ASCC3: variants seen among roughly 807,000 people sequenced by gnomAD.
The protein encoded by ASCC3 is ASC-1 complex subunit P200.
In ASCC3, 158 loss-of-function variants were observed where a neutral mutation model predicts 256.3. The ratio of observed to expected loss-of-function variants is 0.62; its 90% CI spans 0.54 to 0.70. The LOEUF (loss-of-function observed/expected upper bound fraction) is 0.70, where lower values mean the gene tolerates loss of function less well. Ranked by LOEUF, ASCC3 falls within the 30% of genes least tolerant of loss-of-function variation. The pLI, the probability that ASCC3 is intolerant of heterozygous loss-of-function variation, is 0.00. For synonymous variants in ASCC3, 948 were observed against 883.4 expected, an observed-to-expected ratio of 1.07 and a Z score of -1.30; for missense variants, 2,259 against 2,626.0, an observed-to-expected ratio of 0.86 and a Z score of 3.05.
At chr6:100,593,727 T>C (rs1029622178) in intron 34 of ASCC3, among the ~76,000 whole-genome samples, 1 of 152,106 alleles carries the variant, frequency 6.6e-6, no homozygotes, top group Non-Finnish European at 1.5e-5. Context: ...GTTCAGATTA[T>C]GCAGCAATAA....
chr6:100,769,629 A>G (rs536403156), intron 8 of ASCC3, among the ~76,000 whole-genome samples: 17 of 152,002 alleles, frequency 1.1e-4, no homozygotes, highest in African/African-American at 4.1e-4. Flanking sequence ...AAATAATTAT[A>G]AAGATCAATG....
chr6:100,603,221 C>T (rs2114799480), intron 33 of ASCC3, among the ~76,000 whole-genome samples: 1 of 151,804 alleles, frequency 6.6e-6, no homozygotes, highest in Non-Finnish European at 1.5e-5. Context: ...TAATAACGGT[C>T]ATATCAAGGT....
rs7773345 is a variant in ASCC3, at chr6:100,646,640, T to G, written c.3608A>C (p.Tyr1203Ser). The G allele has an allele frequency of 6.2e-7, 1 of 1,614,074 alleles. No homozygotes were observed. Among genetic ancestry groups the G allele is most frequent in the Admixed American group, 1.7e-5 (1 of 60,022 alleles). Residue 1203 changes from tyrosine (Y) to serine (S), a missense_variant, in exon 22 of 42, where the codon TAT becomes TCT. Coordinates refer to ENST00000369162, the MANE Select transcript of ASCC3 (RefSeq NM_006828.4). ...RTVLRVTLSIYADFTWNDQVH... is the reference protein window; with the variant it reads ...RTVLRVTLSISADFTWNDQVH... ...CTGATCATTCCAAGTGAAATCAGCA[T>G]AGATGCTGAGTGTCACTCGGAGGAC...
At chr6:100,732,229 G>A (rs901908417) in intron 10 of ASCC3, among the ~76,000 whole-genome samples, 3 of 150,250 alleles carry the variant, frequency 2.0e-5, no homozygotes, top group African/African-American at 7.3e-5. Context: ...CCTTAAATGT[G>A]ATGAACTAAA....
At chr6:100,525,508 C>T (rs958875420) in intron 37 of ASCC3, among the ~76,000 whole-genome samples, 24 of 151,852 alleles carry the variant, frequency 1.6e-4, no homozygotes, top group African/African-American at 5.1e-4. Flanking sequence ...GAATAGAAAA[C>T]GGCATTAGGG....
At chr6:100,775,437 A>G (rs543947934) in intron 8 of ASCC3, among the ~76,000 whole-genome samples, 22 of 152,122 alleles carry the variant, frequency 1.4e-4, no homozygotes, top group Non-Finnish European at 2.9e-4. Flanking sequence ...AACTTACCCA[A>G]GTCTACCCTG....
At chr6:100,635,139 T>C (rs1303572696) in intron 25 of ASCC3, among the ~76,000 whole-genome samples, 1 of 152,014 alleles carries the variant, frequency 6.6e-6, no homozygotes. Context: ...AGCCCAAATA[T>C]GGAAACAATC....
chr6:100,608,477 C>CTTTATATATATAT (rs1773142147), intron 30 of ASCC3, among the ~76,000 whole-genome samples: 1 of 1,578 alleles, frequency 6.3e-4, no homozygotes, highest in Non-Finnish European at 1.2e-3. Flanking sequence ...TATATATATA[C>CTTTATATATATAT]TTTATATATA....
intron 5 of ASCC3, among the ~76,000 whole-genome samples, chr6:100,804,808 G>A (rs1463458948): frequency 6.6e-6 from 1 of 152,138 alleles, no homozygotes; most frequent in African/African-American, 2.4e-5. Context: ...TGGTGGGAAC[G>A]TAAATTAGTC....
chr6:100,560,344 T>G (rs868373919), intron 36 of ASCC3, among the ~76,000 whole-genome samples: 2 of 152,102 alleles, frequency 1.3e-5, no homozygotes, highest in Admixed American at 6.6e-5. Context: ...CCATTTGGAT[T>G]TGAGCTACTT....
intron 13 of ASCC3, among the ~76,000 whole-genome samples, chr6:100,687,032 T>A (rs1691442): frequency 0.44 from 55,096 of 126,240 alleles, 11,689 homozygotes; most frequent in East Asian, 0.53. Context: ...TCTCTCTCTC[T>A]CTCACACACA....
chr6:100,610,093 A>G (rs1026387288), intron 30 of ASCC3, among the ~76,000 whole-genome samples: 1 of 152,176 alleles, frequency 6.6e-6, no homozygotes, highest in Non-Finnish European at 1.5e-5. Flanking sequence ...ATACATCTCT[A>G]AAGTTTCACC....
intron 14 of ASCC3, among the ~76,000 whole-genome samples, chr6:100,671,411 T>C (rs1248510501): frequency 6.6e-6 from 1 of 152,078 alleles, no homozygotes; most frequent in Non-Finnish European, 1.5e-5. Context: ...GAACAGACGA[T>C]TTGGATTCTC....
At chr6:100,568,780 A>T (rs1158880361) in intron 36 of ASCC3, among the ~76,000 whole-genome samples, 138 of 141,774 alleles carry the variant, frequency 9.7e-4, no homozygotes, top group African/African-American at 3.7e-3. Flanking sequence ...TATTATTATT[A>T]TTATTATTAT....
chr6:100,580,845 G>T (rs12196783), intron 36 of ASCC3, among the ~76,000 whole-genome samples: 65,707 of 149,618 alleles, frequency 0.44, 14,611 homozygotes, highest in South Asian at 0.62. Context: ...TGGTTTTTTG[G>T]TCTTGCGATA....
chr6:100,539,315 A>G (rs1215851736), intron 37 of ASCC3, among the ~76,000 whole-genome samples: 2 of 152,180 alleles, frequency 1.3e-5, no homozygotes, highest in African/African-American at 4.8e-5. Flanking sequence ...TTATCTGAAA[A>G]GGCTATAAAA....
intron 8 of ASCC3, among the ~76,000 whole-genome samples, chr6:100,779,788 G>A (rs1416140318): frequency 2.6e-5 from 4 of 152,076 alleles, no homozygotes; most frequent in Non-Finnish European, 5.9e-5. Flanking sequence ...TGACCAGTTT[G>A]TTTCCATAGA....
intron 10 of ASCC3, among the ~76,000 whole-genome samples, chr6:100,744,704 A>C (rs1265427906): frequency 6.6e-6 from 1 of 152,212 alleles, no homozygotes; most frequent in African/African-American, 2.4e-5. Context: ...TTAGGTAATC[A>C]TATACACTCT....
At chr6:100,618,698 C>G (rs1260969635) in intron 30 of ASCC3, among the ~76,000 whole-genome samples, 2 of 152,152 alleles carry the variant, frequency 1.3e-5, no homozygotes, top group Non-Finnish European at 2.9e-5. Context: ...CCCCTGAAAC[C>G]AGACAGTTAT....
Sources: allele counts gnomAD v4.1 joint callset (sites outside exome capture counted in the v4.1 genomes callset), GRCh38; gene constraint gnomAD v4.1.1; transcripts MANE v1.5; gene names NCBI Gene and HGNC (gene_info 2026-07-23, HGNC 2026-07-21).